ELFN2: variants seen among roughly 807,000 people sequenced by gnomAD.
The protein encoded by ELFN2 is extracellular leucine rich repeat and fibronectin type III domain containing 2, also known as protein phosphatase 1 regulatory subunit 29.
ELFN2 carries 17 observed loss-of-function variants against 45.5 expected under a neutral mutation model. The observed-to-expected ratio is 0.37, with a 90% CI of 0.26 to 0.56. The LOEUF is 0.56. Ranked by LOEUF, ELFN2 falls within the 20% of genes least tolerant of loss-of-function variation. The pLI is 0.77. For synonymous variants in ELFN2, 550 were observed against 551.5 expected, an observed-to-expected ratio of 1.00 and a Z score of 0.04; for missense variants, 922 against 1,183.2, an observed-to-expected ratio of 0.78 and a Z score of 3.24.
At position 37,375,010 on chromosome 22, in the gene ELFN2, G is replaced by A; in HGVS notation, c.525C>T (p.Ala175=). The A allele has an allele frequency of 6.2e-7, 1 of 1,613,486 alleles. No individual in the cohort carries two copies. The highest frequency in any genetic ancestry group is 1.1e-5 in the South Asian group (1 of 91,080). The change falls in exon 3 of 3, where the codon GCC becomes GCT. Residue 175 remains alanine, a synonymous_variant. Coordinates refer to ENST00000402918, the MANE Select transcript of ELFN2 (RefSeq NM_052906.5). ...CGGCCAGCTCACACACCATCAGGCT[G>A]GCGAGGCTGGCAAAGGTGGCACCGT... ...RLDGATFASL[A]SLMVCELAGN...
chr22:37,341,407 T>C (rs1262828463), intron 2 of ELFN2, among the ~76,000 whole-genome samples: 1 of 152,188 alleles, frequency 6.6e-6, no homozygotes, highest in Admixed American at 6.5e-5. Context: ...TGTACCTGCC[T>C]TTCCTCTCCA....
chr22:37,375,677 C>G lies in ELFN2; in HGVS notation c.-143G>C. On this transcript the variant is annotated 5_prime_UTR_variant, in exon 3 of 3. Transcript: ENST00000402918. Reference sequence around the variant, plus strand: ...ACGGGGGCCCCAGGCAAGGTGGGTACAGCTAGTGCCAACTGCTGGGGATCT... The same window carrying G: ...ACGGGGGCCCCAGGCAAGGTGGGTAGAGCTAGTGCCAACTGCTGGGGATCT... 2 of 902,912 alleles carry G rather than the reference C, an allele frequency of 2.2e-6. No homozygotes were observed. Among genetic ancestry groups the G allele is most frequent in the South Asian group, 3.6e-5 (2 of 56,058 alleles). The allele number at this position is 902,912 out of a possible 1,614,324, so 55.9% of individuals were successfully genotyped here.
At chr22:37,348,682 C>T (rs1290634697) in intron 1 of ELFN2, among the ~76,000 whole-genome samples, 1 of 150,836 alleles carries the variant, frequency 6.6e-6, no homozygotes, top group Non-Finnish European at 1.5e-5. Context: ...CACTCAGGGG[C>T]TTCCCTTCCC....
chr22:37,350,881 A>C (rs1930806557), intron 1 of ELFN2, among the ~76,000 whole-genome samples: 1 of 148,000 alleles, frequency 6.8e-6, no homozygotes, highest in African/African-American at 2.5e-5. Context: ...CCCTCTCAGG[A>C]CTCCTCCACC....
intron 2 of ELFN2, among the ~76,000 whole-genome samples, chr22:37,403,312 C>T (rs1458009879): frequency 6.6e-6 from 1 of 152,108 alleles, no homozygotes; most frequent in Non-Finnish European, 1.5e-5. Flanking sequence ...CCTAGACATC[C>T]CTACCACCAC....
In ELFN2 at chr22:37,391,851, G is replaced by A. The variant is rs188619224; in HGVS notation, c.-462-15855C>T. ...AAGGGCCTTCCCAGGCAGTGCGTGG[G>A]TCCCACATCCTCTGAGACTCAGGAG... On this transcript the variant is annotated intron_variant, in intron 2 of 2. Coordinates refer to ENST00000402918, the MANE Select transcript of ELFN2 (RefSeq NM_052906.5). Among the ~76,000 whole-genome samples the A allele has an allele frequency of 5.7e-3, 861 of 152,324 alleles. 3 individuals carry two copies. The highest frequency in any genetic ancestry group is 6.0e-3 in the Non-Finnish European group (406 of 68,032).
intron 2 of ELFN2, among the ~76,000 whole-genome samples, chr22:37,382,804 C>T (rs964495803): frequency 2.6e-5 from 4 of 152,258 alleles, no homozygotes; most frequent in Non-Finnish European, 2.9e-5. Flanking sequence ...CACCCGCCCA[C>T]GACTACCAAA....
intron 2 of ELFN2, among the ~76,000 whole-genome samples, chr22:37,415,890 G>A (rs1049622471): frequency 2.8e-4 from 43 of 152,344 alleles, no homozygotes; most frequent in Middle Eastern, 3.4e-3. Context: ...TTGAACCCGG[G>A]AGACGGAGGT....
At chr22:37,346,240 G>A (rs757906312) in intron 1 of ELFN2, among the ~76,000 whole-genome samples, 1 of 152,194 alleles carries the variant, frequency 6.6e-6, no homozygotes, top group Admixed American at 6.5e-5. Flanking sequence ...CGGCCTGTGC[G>A]CACACTGGGC....
At chr22:37,366,663 GC>G (rs1416205270), downstream of ELFN2, among the ~76,000 whole-genome samples, 2 of 152,208 alleles carry the variant, frequency 1.3e-5, no homozygotes, top group African/African-American at 4.8e-5. Flanking sequence ...CAGGGCCCAG[GC>G]CCTACCTCTC....
chr22:37,351,385 G>A (rs1930817637), intron 1 of ELFN2, among the ~76,000 whole-genome samples: 1 of 150,274 alleles, frequency 6.7e-6, no homozygotes, highest in South Asian at 2.1e-4. Context: ...GGTGTCCAGA[G>A]CTGTCTGGAA....
At chr22:37,407,428 G>C (rs1403333476) in intron 2 of ELFN2, among the ~76,000 whole-genome samples, 5 of 152,180 alleles carry the variant, frequency 3.3e-5, no homozygotes. Flanking sequence ...AAGGTCCCCA[G>C]CCTCACAGTG....
At chr22:37,398,942 T>G (rs1046317684) in intron 2 of ELFN2, among the ~76,000 whole-genome samples, 7 of 151,948 alleles carry the variant, frequency 4.6e-5, no homozygotes, top group African/African-American at 1.7e-4. Context: ...TCAGCTCCCC[T>G]ACCAGCTCCT....
chr22:37,347,135 C>T (rs1271175957), intron 1 of ELFN2, among the ~76,000 whole-genome samples: 2 of 152,040 alleles, frequency 1.3e-5, no homozygotes, highest in African/African-American at 2.4e-5. Flanking sequence ...TGCGCCATTA[C>T]GCCCAGCTAA....
At chr22:37,420,286 G>C (rs1569145164) in intron 1 of ELFN2, 1 of 134,578 alleles carries the variant, frequency 7.4e-6, no homozygotes, top group African/African-American at 2.7e-5. Flanking sequence ...TCGCGCACCC[G>C]CCCCGTGCGC....
At chr22:37,404,466 T>C (rs1932446041) in intron 2 of ELFN2, among the ~76,000 whole-genome samples, 1 of 151,930 alleles carries the variant, frequency 6.6e-6, no homozygotes, top group African/African-American at 2.4e-5. Flanking sequence ...GCGTAGTGCC[T>C]GCCCTGGAAC....
chr22:37,353,528 A>G (rs1930874985), intron 1 of ELFN2: 1 of 151,138 alleles, frequency 6.6e-6, no homozygotes, highest in Non-Finnish European at 1.5e-5. Context: ...ACAGCGGGAA[A>G]AGAGATTTGC....
chr22:37,390,055 C>T (rs1932051426), intron 2 of ELFN2, among the ~76,000 whole-genome samples: 1 of 152,142 alleles, frequency 6.6e-6, no homozygotes, highest in African/African-American at 2.4e-5. Context: ...TAGATGAGTC[C>T]GAATTCTGCC....
chr22:37,398,612 A>G (rs1302048428), intron 2 of ELFN2, among the ~76,000 whole-genome samples: 2 of 152,046 alleles, frequency 1.3e-5, no homozygotes, highest in African/African-American at 4.8e-5. Context: ...GCCCTGCTCT[A>G]AAGCCTCTGG....
Sources: gnomAD v4.1 joint callset for allele counts (sites outside exome capture counted in the v4.1 genomes callset) on GRCh38, gnomAD v4.1.1 for gene constraint, MANE v1.5 for transcripts, NCBI Gene and HGNC (gene_info 2026-07-23, HGNC 2026-07-21) for gene names.